INTS4: variants seen among roughly 807,000 people sequenced by gnomAD.
INTS4 encodes the protein MSTP093.
A neutral mutation model predicts 119.5 loss-of-function variants in INTS4; 70 were observed. The ratio of observed to expected loss-of-function variants is 0.59; its 90% CI spans 0.48 to 0.71. The LOEUF (loss-of-function observed/expected upper bound fraction) is 0.71. Among genes scored for constraint, INTS4 ranks in the 30% least tolerant of loss-of-function variants. INTS4 has a pLI of 0.00. For synonymous variants in INTS4, 316 were observed against 419.6 expected (o/e 0.75, Z 3.02); for missense variants, 867 against 1,173.2 (o/e 0.74, Z 3.81).
chr11:77,962,357 T>C (rs574247484), intron 4 of INTS4, among the ~76,000 whole-genome samples: 2 of 152,360 alleles, frequency 1.3e-5, no homozygotes, highest in South Asian at 4.1e-4. Flanking sequence ...GCTGCATAAG[T>C]GTTCTAGATG....
At chr11:77,941,424 C>G (rs1054237736) in intron 8 of INTS4, among the ~76,000 whole-genome samples, 173 bp from the exon 9 acceptor site, 4 of 150,730 alleles carry the variant, frequency 2.7e-5, no homozygotes, top group Non-Finnish European at 5.9e-5. Context: ...GCAGCTAACA[C>G]CTAAATAGAG....
At chr11:77,975,952 T>C (rs886844851) in intron 4 of INTS4, among the ~76,000 whole-genome samples, 1 of 128,592 alleles carries the variant, frequency 7.8e-6, no homozygotes, top group Non-Finnish European at 1.8e-5. Context: ...CGAGACTCTA[T>C]CTCAAAAAAA....
chr11:77,875,048 A>G (rs1183468607), downstream of INTS4, among the ~76,000 whole-genome samples: 1 of 152,108 alleles, frequency 6.6e-6, no homozygotes, highest in Non-Finnish European at 1.5e-5. Context: ...TCTCAAAAAA[A>G]AAAAAAAAGA....
At chr11:77,956,839 T>A (rs868494337) in intron 7 of INTS4, among the ~76,000 whole-genome samples, 14 of 152,038 alleles carry the variant, frequency 9.2e-5, no homozygotes, top group African/African-American at 3.1e-4. Context: ...CACACAAAAA[T>A]GATAATTGAA....
At position 77,956,712 on chromosome 11, in the gene INTS4, ATAATAATAATAATAATAATAAT is replaced by A. The variant is rs1428822595; in HGVS notation, c.798-672_798-651del. On this transcript the variant is annotated intron_variant, in intron 7 of 22. Coordinates refer to ENST00000534064, the MANE Select transcript of INTS4 (RefSeq NM_033547.4). ...ACAGAGCGAGACTCCATCTCAAAAA[ATAATAATAATAATAATAATAAT>A]AATAATAATAATAATAATAATAATA... Among the ~76,000 whole-genome samples, 136 of 77,090 alleles carry A rather than the reference ATAATAATAATAATAATAATAAT, an allele frequency of 1.8e-3. 3 individuals carry two copies. Among genetic ancestry groups the A allele is most frequent in the East Asian group, 7.5e-3 (18 of 2,394 alleles). 50.6% of individuals were successfully genotyped at this position (77,090 alleles called of 152,430 possible).
intron 7 of INTS4, 115 bp downstream of exon 7, chr11:77,958,631 A>G: frequency 1.5e-6 from 1 of 676,484 alleles, no homozygotes; most frequent in South Asian, 1.7e-5. Context: ...CTTATTCCCC[A>G]TTGCCTTCCA....
intron 19 of INTS4, among the ~76,000 whole-genome samples, chr11:77,892,609 G>A (rs2136398361): frequency 6.6e-6 from 1 of 152,122 alleles, no homozygotes; most frequent in East Asian, 1.9e-4. Context: ...TTGAGAAGGA[G>A]TCTCGCACTA....
chr11:77,981,190 CAAAAAAAAAA>C (rs35194381), intron 3 of INTS4, among the ~76,000 whole-genome samples: 1 of 88,862 alleles, frequency 1.1e-5, no homozygotes, highest in Non-Finnish European at 2.3e-5. Context: ...AACAAACAAG[CAAAAAAAAAA>C]AAAAAAAAAG....
chr11:77,917,776 A>C (rs1228009206), intron 15 of INTS4, among the ~76,000 whole-genome samples: 1 of 151,628 alleles, frequency 6.6e-6, no homozygotes, highest in African/African-American at 2.4e-5. Context: ...TTTTCATATC[A>C]TTCAGGCCAT....
chr11:77,891,117 TGAGACTCA>T, intron 21 of INTS4, among the ~76,000 whole-genome samples, 194 bp downstream of exon 21: 1 of 152,190 alleles, frequency 6.6e-6, no homozygotes, highest in Admixed American at 6.5e-5. Context: ...TTGTAGAATC[TGAGACTCA>T]GAGTTTAAAG....
intron 8 of INTS4, among the ~76,000 whole-genome samples, chr11:77,954,293 A>T (rs11237333): frequency 0.19 from 29,110 of 149,858 alleles, 2,852 homozygotes; most frequent in Middle Eastern, 0.23. Context: ...TAAAAAAAAA[A>T]TTTTTTTTTA....
At chr11:77,925,017 G>A (rs1953462197) in intron 11 of INTS4, 125 bp from the exon 12 acceptor site, 3 of 612,660 alleles carry the variant, frequency 4.9e-6, no homozygotes, top group Non-Finnish European at 8.3e-6. Flanking sequence ...GTATGTGGAA[G>A]TTTTTTAGCT....
rs1318813644 is a variant in INTS4 at position 77,983,416 on chromosome 11, C to A, written c.247-1840G>T. 2.0e-5 allele frequency among the ~76,000 whole-genome samples: 3 copies of A among 152,242 alleles called. No homozygotes were observed. The East Asian group carries it at 5.8e-4, about 29-fold the overall frequency. On this transcript the variant is annotated intron_variant, in intron 2 of 22. Transcript: ENST00000534064. ...ACCATGCCCCAGTCTTCTTCTAGTT[C>A]TTTAAGTTGTAAAGTTAGATTCTTG... is the stretch of plus-strand genomic sequence containing the variant.
chr11:77,889,996 T>C (rs1192131414), intron 21 of INTS4, among the ~76,000 whole-genome samples: 1 of 152,200 alleles, frequency 6.6e-6, no homozygotes, highest in African/African-American at 2.4e-5. Context: ...CGTATTAGAA[T>C]CACCTATGAA....
chr11:77,936,048 A>G (rs993155609), intron 10 of INTS4, among the ~76,000 whole-genome samples: 2 of 152,046 alleles, frequency 1.3e-5, no homozygotes, highest in Admixed American at 1.3e-4. Flanking sequence ...GGATCCCAGA[A>G]CAAAGCTCAA....
intron 15 of INTS4, among the ~76,000 whole-genome samples, chr11:77,917,296 T>C (rs187916907): frequency 1.7e-4 from 26 of 151,670 alleles, no homozygotes; most frequent in Admixed American, 3.3e-4. Flanking sequence ...ACAAATTATA[T>C]AATATAATAT....
At chr11:77,876,394 A>T (rs1008893273), downstream of INTS4, among the ~76,000 whole-genome samples, 2 of 149,096 alleles carry the variant, frequency 1.3e-5, no homozygotes, top group African/African-American at 4.9e-5. Context: ...AAACCTTTAT[A>T]AAAAGGTCTT....
Position 77,878,828 on chromosome 11 carries a change from C to A in INTS4, c.*121G>T. On this transcript the variant is annotated 3_prime_UTR_variant, in exon 23 of 23. Coordinates refer to ENST00000534064, the MANE Select transcript of INTS4 (RefSeq NM_033547.4). ...ATCCTGTGTTTGATACCAGATGAGA[C>A]TGTAAGGGTCACATACTCCTTAAGC... 2.5e-6 allele frequency: 2 copies of A among 792,514 alleles called. No individual in the cohort carries two copies. 49.1% of individuals were successfully genotyped at this position (792,514 alleles called of 1,614,324 possible).
chr11:77,960,180 C>T (rs1265316290), intron 6 of INTS4, among the ~76,000 whole-genome samples, 161 bp downstream of exon 6: 1 of 152,028 alleles, frequency 6.6e-6, no homozygotes, highest in Non-Finnish European at 1.5e-5. Context: ...CATTCTCTTC[C>T]TGAAAAGTAT....
Sources: gnomAD v4.1 joint callset for allele counts (sites outside exome capture counted in the v4.1 genomes callset) on GRCh38, gnomAD v4.1.1 for gene constraint, MANE v1.5 for transcripts, NCBI Gene and HGNC (gene_info 2026-07-23, HGNC 2026-07-21) for gene names.